The following KDM4C variants were observed in gnomAD, a reference collection of about 807,000 sequenced individuals.
KDM4C encodes the protein lysine demethylase 4C.
In KDM4C, 81 loss-of-function variants were observed where a neutral mutation model predicts 129.3. The observed-to-expected ratio is 0.63, with a 90% CI of 0.52 to 0.75. The LOEUF (loss-of-function observed/expected upper bound fraction) is 0.75, where lower values mean the gene tolerates loss of function less well. Ranked by LOEUF, KDM4C falls within the 30% of genes least tolerant of loss-of-function variation. The pLI, the probability that KDM4C is intolerant of heterozygous loss-of-function variation, is 0.00. For missense variants in KDM4C, 1,457 were observed against 1,304.0 expected (o/e 1.12, Z -1.81); for synonymous variants, 573 against 456.1 (o/e 1.26, Z -3.26).
intron 18 of KDM4C, among the ~76,000 whole-genome samples, chr9:7,108,980 G>T (rs1177715938): frequency 6.6e-6 from 1 of 152,172 alleles, no homozygotes; most frequent in Middle Eastern, 3.2e-3. Context: ...GGTTGATTAT[G>T]GATTGACAGG....
intron 8 of KDM4C, among the ~76,000 whole-genome samples, chr9:6,914,696 A>G (rs1316412465): frequency 1.3e-5 from 2 of 152,238 alleles, no homozygotes; most frequent in Non-Finnish European, 2.9e-5. Context: ...CTCCACGCCC[A>G]TGAATGGGAT....
intron 1 of KDM4C, among the ~76,000 whole-genome samples, chr9:6,762,286 C>G (rs1819710057): frequency 6.8e-6 from 1 of 146,600 alleles, no homozygotes; most frequent in Admixed American, 6.9e-5. Context: ...GTGTGATGTT[C>G]CCCTCCCTGT....
intron 17 of KDM4C, among the ~76,000 whole-genome samples, chr9:7,095,659 A>G (rs1353293235): frequency 6.6e-6 from 1 of 152,170 alleles, no homozygotes; most frequent in African/African-American, 2.4e-5. Context: ...TCCAACATTA[A>G]TTCAGAGAGA....
chr9:7,148,184 G>A (rs543274297), intron 19 of KDM4C, among the ~76,000 whole-genome samples: 29 of 152,354 alleles, frequency 1.9e-4, no homozygotes, highest in Admixed American at 5.2e-4. Flanking sequence ...ACATGGTGGC[G>A]CCCAAAAGCT....
chr9:7,103,707 G>A lies in KDM4C; in HGVS notation c.2447G>A (p.Arg816Gln), dbSNP rs180710573. The change falls in exon 18 of 22, where the codon CGG (arginine) becomes CAG (glutamine). Residue 816 changes from arginine to glutamine, a missense_variant. Physicochemically the swap from Arg to Gln is conservative, Grantham distance 43. Coordinates refer to ENST00000381309, the MANE Select transcript of KDM4C (RefSeq NM_015061.6). ...CAGAAATGCATCTTCTGCAGACACC[G>A]GGTTAAGAGGGTCTCTGGAGCCTGC... ...LKLKCIFCRH[R>Q]VKRVSGACIQ... 1.5e-4 allele frequency: 245 copies of A among 1,613,222 alleles called. 2 individuals carry two copies. In the East Asian group the frequency reaches 4.8e-3, roughly 32 times the overall value.
chr9:6,938,594 C>G (rs1183748117), intron 8 of KDM4C, among the ~76,000 whole-genome samples: 3 of 152,208 alleles, frequency 2.0e-5, no homozygotes, highest in Non-Finnish European at 2.9e-5. Flanking sequence ...TCAGCCAGCA[C>G]TCTTTTCATT....
intron 4 of KDM4C, among the ~76,000 whole-genome samples, chr9:6,826,523 T>C (rs1833901304): frequency 6.6e-6 from 1 of 152,176 alleles, no homozygotes; most frequent in Admixed American, 6.5e-5. Flanking sequence ...TGACCCATTG[T>C]GAATGCTTTC....
At chr9:7,029,819 A>G (rs1457419893) in intron 15 of KDM4C, among the ~76,000 whole-genome samples, 3 of 152,230 alleles carry the variant, frequency 2.0e-5, no homozygotes, top group Admixed American at 6.5e-5. Context: ...AGAATGTAAC[A>G]TCCAACTCCC....
At chr9:7,161,431 A>G (rs1177198214) in intron 19 of KDM4C, among the ~76,000 whole-genome samples, 1 of 152,224 alleles carries the variant, frequency 6.6e-6, no homozygotes, top group African/African-American at 2.4e-5. Context: ...TGAGAGCTGC[A>G]GACGGGAGCT....
At chr9:7,133,174 G>T (rs1383005853) in intron 19 of KDM4C, among the ~76,000 whole-genome samples, 1 of 152,126 alleles carries the variant, frequency 6.6e-6, no homozygotes, top group Non-Finnish European at 1.5e-5. Flanking sequence ...CATATAGTAG[G>T]AAAAGTCCAA....
chr9:6,982,965 C>T (rs1817027885), intron 9 of KDM4C, among the ~76,000 whole-genome samples: 1 of 152,094 alleles, frequency 6.6e-6, no homozygotes, highest in African/African-American at 2.4e-5. Context: ...TGGAAATAGC[C>T]CATTTAGGGA....
intron 8 of KDM4C, among the ~76,000 whole-genome samples, chr9:6,923,037 C>T (rs992956358): frequency 6.6e-6 from 1 of 152,160 alleles, no homozygotes; most frequent in Non-Finnish European, 1.5e-5. Flanking sequence ...GCTTTAGATT[C>T]TCCTCAGGTA....
At chr9:6,815,346 C>T (rs138072888) in intron 4 of KDM4C, among the ~76,000 whole-genome samples, 3 of 151,984 alleles carry the variant, frequency 2.0e-5, no homozygotes, top group African/African-American at 7.3e-5. Context: ...TCTATGCCCT[C>T]TCTCATTATT....
chr9:6,954,784 G>A (rs545556435), intron 8 of KDM4C, among the ~76,000 whole-genome samples: 8 of 152,284 alleles, frequency 5.3e-5, no homozygotes, highest in African/African-American at 1.9e-4. Flanking sequence ...CTCTGAATGG[G>A]CAGACTTCAT....
rs116259029 is a variant in KDM4C at position 6,885,156 on chromosome 9, T to C, written c.680-2804T>C. 9.3e-3 allele frequency among the ~76,000 whole-genome samples: 1,410 copies of C among 152,262 alleles called. 26 individuals carry two copies. The highest frequency in any genetic ancestry group is 0.032 in the African/African-American group (1,318 of 41,560). ...ACACATTTCCAATACCCCAAAAAAG[T>C]TCCCTCACACCTCTTTGTACTTAAC... is the stretch of plus-strand genomic sequence containing the variant. On this transcript the variant is annotated intron_variant, in intron 6 of 21. Coordinates refer to ENST00000381309, the MANE Select transcript of KDM4C (RefSeq NM_015061.6).
At chr9:6,900,518 C>T (rs911819626) in intron 8 of KDM4C, among the ~76,000 whole-genome samples, 1 of 152,186 alleles carries the variant, frequency 6.6e-6, no homozygotes, top group African/African-American at 2.4e-5. Flanking sequence ...GCCTGTCATC[C>T]CAGCACTTTG....
chr9:6,781,350 C>T (rs1340505579), intron 1 of KDM4C, among the ~76,000 whole-genome samples: 6 of 151,992 alleles, frequency 3.9e-5, no homozygotes, highest in Non-Finnish European at 8.8e-5. Context: ...AGAACATTTT[C>T]ATCAACTGAT....
chr9:6,760,446 T>TATATATATAC (rs1491383373), intron 1 of KDM4C, among the ~76,000 whole-genome samples: 2 of 60,834 alleles, frequency 3.3e-5, no homozygotes, highest in Non-Finnish European at 5.7e-5. Flanking sequence ...TACTCTTGGG[T>TATATATATAC]ATATATATAT....
chr9:6,901,741 T>C (rs1363633094), intron 8 of KDM4C, among the ~76,000 whole-genome samples: 1 of 152,240 alleles, frequency 6.6e-6, no homozygotes, highest in Non-Finnish European at 1.5e-5. Context: ...AAAAGATTCA[T>C]TGACAGAATC....
Sources: allele counts gnomAD v4.1 joint callset (sites outside exome capture counted in the v4.1 genomes callset), GRCh38; gene constraint gnomAD v4.1.1; transcripts MANE v1.5; gene names NCBI Gene and HGNC (gene_info 2026-07-23, HGNC 2026-07-21).